Variants in CUL3 observed in about 807,000 individuals in gnomAD.
CUL3 encodes cullin-3.
Under a neutral mutation model 89.1 loss-of-function variants are expected in CUL3, and 19 were observed. The observed-to-expected ratio is 0.21, with a 90% confidence interval of 0.15 to 0.31. The LOEUF is 0.31. Ranked by LOEUF, CUL3 falls within the 10% of genes least tolerant of loss-of-function variation. The pLI is 1.00. For synonymous variants in CUL3, 351 were observed against 308.4 expected, an observed-to-expected ratio of 1.14 and a Z score of -1.45; for missense variants, 469 against 942.3, an observed-to-expected ratio of 0.50 and a Z score of 6.58.
intron 1 of CUL3, among the ~76,000 whole-genome samples, chr2:224,581,255 C>T (rs1240904528): frequency 4.0e-5 from 6 of 151,772 alleles, no homozygotes; most frequent in Admixed American, 2.0e-4. Context: ...ACTAGCCAGG[C>T]GTGGTGGCAC....
chr2:224,565,003 T>C (rs893937066), intron 1 of CUL3, among the ~76,000 whole-genome samples: 7 of 152,218 alleles, frequency 4.6e-5, no homozygotes, highest in African/African-American at 1.7e-4. Context: ...CCCCAAGGTA[T>C]TTCTCAAATA....
At chr2:224,474,967 AGTCT>A (rs1323708623) in intron 15 of CUL3, among the ~76,000 whole-genome samples, 3 of 152,322 alleles carry the variant, frequency 2.0e-5, no homozygotes, top group African/African-American at 4.8e-5. Flanking sequence ...CAGCAGTCAT[AGTCT>A]GTCTATGCAC....
At chr2:224,526,795 C>T (rs1043018452) in intron 3 of CUL3, among the ~76,000 whole-genome samples, 7 of 144,044 alleles carry the variant, frequency 4.9e-5, no homozygotes, top group African/African-American at 7.8e-5. Context: ...CCAACCTGGG[C>T]GACAGAGCAA....
intron 1 of CUL3, among the ~76,000 whole-genome samples, chr2:224,562,465 C>T (rs1254612816): frequency 6.6e-6 from 1 of 151,886 alleles, no homozygotes; most frequent in African/African-American, 2.4e-5. Context: ...TGGTGAAACC[C>T]CATCCCTACT....
At chr2:224,569,956 C>CAAAAAAAAAAA (rs71062948) in intron 1 of CUL3, 1 of 59,478 alleles carries the variant, frequency 1.7e-5, no homozygotes, top group Non-Finnish European at 3.2e-5. Flanking sequence ...GCTCCAGTCT[C>CAAAAAAAAAAA]AAAAAAAAAA....
intron 2 of CUL3, among the ~76,000 whole-genome samples, chr2:224,555,766 G>C (rs1010356279): frequency 2.0e-5 from 3 of 152,126 alleles, no homozygotes; most frequent in Non-Finnish European, 2.9e-5. Context: ...TATTTTTCAA[G>C]GCTCAATTCA....
At chr2:224,484,958 G>C (rs1207654539) in intron 13 of CUL3, among the ~76,000 whole-genome samples, 1 of 152,154 alleles carries the variant, frequency 6.6e-6, no homozygotes, top group African/African-American at 2.4e-5. Context: ...GGACTGGTTA[G>C]ACAGTGGGTG....
intron 13 of CUL3, among the ~76,000 whole-genome samples, chr2:224,490,394 C>T (rs906807778): frequency 6.6e-6 from 1 of 152,074 alleles, no homozygotes; most frequent in African/African-American, 2.4e-5. Flanking sequence ...CTCACGTGAC[C>T]TTATCAATCA....
At chr2:224,477,608 T>C (rs776721430) in intron 15 of CUL3, among the ~76,000 whole-genome samples, 23 of 152,206 alleles carry the variant, frequency 1.5e-4, no homozygotes, top group African/African-American at 5.1e-4. Context: ...CAGCGGCACA[T>C]TACATTACCC....
chr2:224,475,333 C>T (rs182516491), intron 15 of CUL3, among the ~76,000 whole-genome samples: 2 of 152,150 alleles, frequency 1.3e-5, no homozygotes, highest in Non-Finnish European at 1.5e-5. Flanking sequence ...ATGTTCTTAA[C>T]CCTGCAAAAT....
chr2:224,583,895 T>C (rs1162636083), intron 1 of CUL3, among the ~76,000 whole-genome samples: 1 of 152,238 alleles, frequency 6.6e-6, no homozygotes, highest in East Asian at 1.9e-4. Flanking sequence ...ATGAAGTATT[T>C]ATGAATCTAA....
At chr2:224,507,733 T>C (rs1692653568) in intron 6 of CUL3, among the ~76,000 whole-genome samples, 1 of 152,148 alleles carries the variant, frequency 6.6e-6, no homozygotes, top group Non-Finnish European at 1.5e-5. Context: ...TTTTTTAATA[T>C]CATTTTTCAC....
intron 3 of CUL3, among the ~76,000 whole-genome samples, chr2:224,535,160 G>T (rs549512523): frequency 6.6e-6 from 1 of 152,208 alleles, no homozygotes; most frequent in East Asian, 1.9e-4. Context: ...CTATAACTAA[G>T]TTAGACAGAA....
chr2:224,519,948 T>A (rs551794056), intron 3 of CUL3, among the ~76,000 whole-genome samples: 53 of 151,538 alleles, frequency 3.5e-4, no homozygotes, highest in African/African-American at 1.0e-3. Flanking sequence ...AAAAAAAAAA[T>A]TAAAGACTGA....
intron 1 of CUL3, among the ~76,000 whole-genome samples, chr2:224,568,639 T>G (rs1165102396): frequency 6.6e-6 from 1 of 152,188 alleles, no homozygotes; most frequent in African/African-American, 2.4e-5. Flanking sequence ...CATCAAGCAA[T>G]ATTTTCAGAT....
chr2:224,485,543 C>T lies in CUL3; in HGVS notation c.1843-3465G>A, dbSNP rs965143195. Among the ~76,000 whole-genome samples, 1 of 152,168 alleles carries T rather than the reference C, an allele frequency of 6.6e-6. No individual in the cohort carries two copies. The highest frequency in any genetic ancestry group is 2.4e-5 in the African/African-American group (1 of 41,442). ...TGGGCGGGTGGCAAAGCTGCTGTGGCCAAACTGCCTCTCTAGATTCCTCTT... is the reference window on the plus strand; with the variant it reads ...TGGGCGGGTGGCAAAGCTGCTGTGGTCAAACTGCCTCTCTAGATTCCTCTT... On this transcript the variant is annotated intron_variant, in intron 13 of 15. Coordinates refer to ENST00000264414, the MANE Select transcript of CUL3 (RefSeq NM_003590.5). This position sits in a 1 kb window ranked among gnomAD's most constrained non-coding sequence, Gnocchi z 4.1.
chr2:224,521,667 C>T (rs1329576354), intron 3 of CUL3, among the ~76,000 whole-genome samples: 1 of 152,032 alleles, frequency 6.6e-6, no homozygotes, highest in Non-Finnish European at 1.5e-5. Flanking sequence ...CCTGACCCGC[C>T]TCGGCCTCTC....
intron 8 of CUL3, 59 bp from the exon 9 acceptor site, chr2:224,503,881 C>T (rs766977347): frequency 3.3e-5 from 43 of 1,286,482 alleles, no homozygotes; most frequent in South Asian, 6.7e-5. Flanking sequence ...AGCAGTACTA[C>T]GGTTCATTTA....
chr2:224,505,903 T>C (rs1390685009), intron 8 of CUL3, 53 bp downstream of exon 8: 1 of 1,208,394 alleles, frequency 8.3e-7, no homozygotes, highest in Non-Finnish European at 1.1e-6. Flanking sequence ...TTACATATAA[T>C]TTTATATCTT....
Sources: gnomAD v4.1 joint callset for allele counts (sites outside exome capture counted in the v4.1 genomes callset) on GRCh38, gnomAD v4.1.1 for gene constraint, Gnocchi (gnomAD v3.1) non-coding constraint, MANE v1.5 for transcripts, NCBI Gene and HGNC (gene_info 2026-07-23, HGNC 2026-07-21) for gene names.